The following AMPD3 variants were observed in gnomAD, a reference collection of about 807,000 sequenced individuals.
AMPD3 encodes AMP deaminase 3.
AMPD3 carries 57 observed loss-of-function variants against 82.3 expected under a neutral mutation model. That is an observed-to-expected ratio of 0.69 (90% CI 0.56 to 0.86). AMPD3 has a LOEUF of 0.86. Among genes scored for constraint, AMPD3 ranks in the 40% least tolerant of loss-of-function variants. The probability of loss-of-function intolerance (pLI) is 0.00; values close to 1 mark genes in which losing one functional copy is unlikely to be tolerated. For synonymous variants in AMPD3, 381 were observed against 394.7 expected, an observed-to-expected ratio of 0.97 and a Z score of 0.41; for missense variants, 870 against 1,003.8, an observed-to-expected ratio of 0.87 and a Z score of 1.80.
chr11:10,489,470 G>T lies in AMPD3; in HGVS notation c.939+2106G>T, dbSNP rs76178774. 6.6e-3 allele frequency among the ~76,000 whole-genome samples: 1,011 copies of T among 152,302 alleles called. 12 individuals are homozygous for T. The highest frequency in any genetic ancestry group is 0.023 in the African/African-American group (953 of 41,564). On this transcript the variant is annotated intron_variant, in intron 6 of 14. Transcript: ENST00000396553. Reference sequence around the variant, plus strand: ...GGCCACAACATGAGAAACAGTCCTGGCGTGGGGCTAGGGTAACAAATCAGA... The same window carrying T: ...GGCCACAACATGAGAAACAGTCCTGTCGTGGGGCTAGGGTAACAAATCAGA...
intron 10 of AMPD3, among the ~76,000 whole-genome samples, chr11:10,497,931 G>C (rs1849467199): frequency 1.3e-5 from 2 of 152,170 alleles, no homozygotes; most frequent in Admixed American, 1.3e-4. Context: ...GGTGCGTGTT[G>C]GACACGGTGT....
In AMPD3 at chr11:10,484,916, T is replaced by G; in HGVS notation, c.686T>G (p.Leu229Arg). 6.2e-7 allele frequency: 1 copy of G among 1,614,084 alleles called. No individual in the cohort carries two copies. Among genetic ancestry groups the G allele is most frequent in the South Asian group, 1.1e-5 (1 of 91,070 alleles). Residue 229 changes from leucine (L) to arginine (R), a missense_variant, in exon 5 of 15, where the codon CTC (leucine) becomes CGC (arginine). Transcript: ENST00000396553. ...DYLVHMQGGI[L>R]FVYDNKKMLE... The stretch of plus-strand genomic sequence containing the variant: ...TTGGTCCACATGCAGGGGGGCATCC[T>G]CTTTGTGTATGATAACAAGAAGATG...
At position 10,461,703 on chromosome 11, in the gene AMPD3, G is replaced by A; in HGVS notation, c.184G>A (p.Glu62Lys). The A allele has an allele frequency of 1.2e-6, 2 of 1,614,002 alleles. No individual in the cohort carries two copies. The highest frequency in any genetic ancestry group is 1.7e-6 in the Non-Finnish European group (2 of 1,179,922). The change falls in exon 2 of 15, where the codon GAG becomes AAG. Residue 62 changes from glutamate to lysine, a missense_variant. Coordinates refer to ENST00000396553, the MANE Select transcript of AMPD3 (RefSeq NM_001025389.2). ...AGCCAAGGAGAGGGAGCTGCAGAAG[G>A]AGCTGGCAGAGCAGAAGTCTGTGGA... ...KEAKERELQK[E>K]LAEQKSVETA...
At chr11:10,482,311 C>G in intron 4 of AMPD3, 86 bp downstream of exon 4, 2 of 1,452,074 alleles carry the variant, frequency 1.4e-6, no homozygotes, top group Non-Finnish European at 1.9e-6. Flanking sequence ...GTCTATTTCC[C>G]CTGATAGTAT....
chr11:10,504,337 T>A, intron 13 of AMPD3: 1 of 575,074 alleles, frequency 1.7e-6, no homozygotes, highest in Non-Finnish European at 2.2e-6. Flanking sequence ...TGAATAAATG[T>A]AGAGGCGTGA....
At position 10,505,900 on chromosome 11, in the gene AMPD3, T is replaced by G; in HGVS notation, c.*16T>G. 6.2e-7 allele frequency: 1 copy of G among 1,613,994 alleles called. No individual in the cohort carries two copies. The highest frequency in any genetic ancestry group is 1.1e-5 in the South Asian group (1 of 91,082). ...GACCAACTAGGTCCAGCATTTGACATGCATTTTAACTTTTTGGTTCAATTT... is the reference window on the plus strand; with the variant it reads ...GACCAACTAGGTCCAGCATTTGACAGGCATTTTAACTTTTTGGTTCAATTT... On this transcript the variant is annotated 3_prime_UTR_variant, in exon 15 of 15. Transcript: ENST00000396553.
At position 10,485,056 on chromosome 11, in the gene AMPD3, G is replaced by A. The variant is rs371968861; in HGVS notation, c.809+17G>A. 1.4e-5 allele frequency: 22 copies of A among 1,604,572 alleles called. No individual in the cohort carries two copies. In the African/African-American group the frequency reaches 1.5e-4, roughly 11 times the overall value. On this transcript the variant is annotated intron_variant, in intron 5 of 14. Coordinates refer to ENST00000396553, the MANE Select transcript of AMPD3 (RefSeq NM_001025389.2). Reference sequence around the variant, plus strand: ...TGGCCCCACGTAAGCTAGCTTCTCCGCGGCTGCCTGTCTTTGCACAGGTGC... The same window carrying A: ...TGGCCCCACGTAAGCTAGCTTCTCCACGGCTGCCTGTCTTTGCACAGGTGC...
rs748153289 is a variant in AMPD3, at chr11:10,493,416, C to T, written c.1007C>T (p.Thr336Ile). 10 of 1,614,242 alleles carry T rather than the reference C, an allele frequency of 6.2e-6. No individual in the cohort carries two copies. The highest frequency in any genetic ancestry group is 1.7e-5 in the Admixed American group (1 of 60,030). The change falls in exon 7 of 15, where the codon ACA becomes ATA. Residue 336 changes from threonine (T) to isoleucine (I), a missense_variant. By Grantham distance (89) the Thr-to-Ile change is moderately conservative. Coordinates refer to ENST00000396553, the MANE Select transcript of AMPD3 (RefSeq NM_001025389.2). ...QKHLLRFIKH[T>I]YQTEPDRTVA... ...CATCTGCTGCGCTTCATCAAGCACA[C>T]ATACCAGACGGAGCCTGACAGGACT...
chr11:10,497,240 G>A (rs906627799), intron 10 of AMPD3, among the ~76,000 whole-genome samples: 1 of 152,174 alleles, frequency 6.6e-6, no homozygotes, highest in African/African-American at 2.4e-5. Flanking sequence ...CCTGCCAGGT[G>A]GGGCTGGAAA....
intron 2 of AMPD3, among the ~76,000 whole-genome samples, chr11:10,475,421 C>G (rs1848710908): frequency 6.6e-6 from 1 of 152,092 alleles, no homozygotes; most frequent in Non-Finnish European, 1.5e-5. Flanking sequence ...TGTCGCACAC[C>G]CTCTGACACT....
At chr11:10,469,552 A>C (rs61891379) in intron 2 of AMPD3, among the ~76,000 whole-genome samples, 22,731 of 152,208 alleles carry the variant, frequency 0.15, 2,035 homozygotes, top group Non-Finnish European at 0.2. Context: ...TTCACAGCCA[A>C]ATTCTACCAG....
chr11:10,469,956 C>T (rs866422841), intron 2 of AMPD3, among the ~76,000 whole-genome samples: 12 of 149,948 alleles, frequency 8.0e-5, no homozygotes, highest in South Asian at 2.1e-4. Flanking sequence ...AGGAGAATGG[C>T]GTGAACCCGG....
At chr11:10,483,452 C>T (rs1848972344) in intron 4 of AMPD3, among the ~76,000 whole-genome samples, 1 of 152,174 alleles carries the variant, frequency 6.6e-6, no homozygotes. Flanking sequence ...TAAATCTCAG[C>T]CCTTTGGGCC....
At chr11:10,451,015 C>G (rs746214559), upstream of AMPD3, 4 of 1,580,786 alleles carry the variant, frequency 2.5e-6, no homozygotes, top group Admixed American at 3.4e-5. Context: ...CCCTTTCGGC[C>G]GGCGGCATGG....
At chr11:10,477,958 G>A (rs935827840) in intron 2 of AMPD3, 5 of 985,300 alleles carry the variant, frequency 5.1e-6, no homozygotes, top group Middle Eastern at 5.2e-4. Context: ...GCACTGTCTC[G>A]ACTCCTTTGT....
rs368929263 is a variant in AMPD3, at chr11:10,455,405, C to A, written c.-49C>A. On this transcript the variant is annotated 5_prime_UTR_variant, in exon 1 of 15. Coordinates refer to ENST00000396553, the MANE Select transcript of AMPD3 (RefSeq NM_001025389.2). ...CCCCAGGAGGAGTGGCAGAGTCCAG[C>A]CAGCGCTCGGAGCTGGAGGCCCACG... 1 of 982,922 alleles carries A rather than the reference C, an allele frequency of 1.0e-6. No individual in the cohort carries two copies. The highest frequency in any genetic ancestry group is 1.7e-5 in the African/African-American group (1 of 57,180). 60.9% of individuals were successfully genotyped at this position (982,922 alleles called of 1,614,324 possible). A position where few individuals can be genotyped will look rare whatever the true frequency, so the allele number is the denominator to read the frequency against.
chr11:10,498,914 G>A (rs1849498254), intron 10 of AMPD3, among the ~76,000 whole-genome samples: 1 of 152,234 alleles, frequency 6.6e-6, no homozygotes, highest in African/African-American at 2.4e-5. Flanking sequence ...GATGACCCCT[G>A]GGATCAGCCA....
intron 9 of AMPD3, chr11:10,496,411 C>A (rs115318879): frequency 2.0e-6 from 2 of 985,220 alleles, no homozygotes; most frequent in Non-Finnish European, 1.2e-6. Context: ...CCTCTCCAGG[C>A]GGCTGGCCAG....
chr11:10,460,452 G>A lies in AMPD3; in HGVS notation c.-5-1063G>A, dbSNP rs531299855. Among the ~76,000 whole-genome samples, 4 of 150,198 alleles carry A rather than the reference G, an allele frequency of 2.7e-5. No homozygotes were observed. In the South Asian group the frequency reaches 8.4e-4, roughly 32 times the overall value. ...GGCAGAGTCCCACTCTGTTACCCAG[G>A]TTGGAGTGAAGTGGCTCAATCTTGG... On this transcript the variant is annotated intron_variant, in intron 1 of 14. Coordinates refer to ENST00000396553, the MANE Select transcript of AMPD3 (RefSeq NM_001025389.2).
Sources: gnomAD v4.1 joint callset for allele counts (sites outside exome capture counted in the v4.1 genomes callset) on GRCh38, gnomAD v4.1.1 for gene constraint, MANE v1.5 for transcripts, NCBI Gene and HGNC (gene_info 2026-07-23, HGNC 2026-07-21) for gene names.